The following SEC24D variants were observed in gnomAD, a reference collection of about 807,000 sequenced individuals.
SEC24D encodes SEC24 homolog D, COPII component.
SEC24D carries 69 observed loss-of-function variants against 116.9 expected under a neutral mutation model. The ratio of observed to expected loss-of-function variants is 0.59; its 90% CI spans 0.49 to 0.72. The LOEUF is 0.72. Among genes scored for constraint, SEC24D ranks in the 30% least tolerant of loss-of-function variants. SEC24D has a pLI of 0.00. For missense variants in SEC24D, 1,131 were observed against 1,264.1 expected (o/e 0.89, Z 1.60); for synonymous variants, 405 against 442.8 (o/e 0.91, Z 1.07).
At position 118,818,863 on chromosome 4, in the gene SEC24D, C is replaced by T. The variant is rs181436830; in HGVS notation, c.249-1451G>A. ...TGGCTAGAAATAATGGAATGAATAA[C>T]ATTGTAACCCAAAAATACTGTTAAA... On this transcript the variant is annotated intron_variant, in intron 3 of 22. Transcript: ENST00000280551. 2.6e-5 allele frequency among the ~76,000 whole-genome samples: 4 copies of T among 152,076 alleles called. No individual in the cohort carries two copies. In the East Asian group the frequency reaches 7.7e-4, roughly 29 times the overall value.
rs2110426864 is a variant in SEC24D, at chr4:118,728,570, A to C, written c.2949T>G (p.Tyr983Ter). Residue 983 changes from tyrosine to a stop codon, truncating the protein, a stop_gained, in exon 22 of 23, where the codon TAT becomes TAG. Coordinates refer to ENST00000280551, the MANE Select transcript of SEC24D (RefSeq NM_014822.4). LOFTEE classifies it high-confidence loss of function. ...AAAATTGCTTTCTTACCTTCATTGA[A>C]TATGGCCTCTTTTGTTGGATAATAC... ...IMGIIQQKRP[Y>*]SMKLTIVKQR... 6.3e-7 allele frequency: 1 copy of C among 1,596,398 alleles called. No homozygotes were observed. Among genetic ancestry groups the C allele is most frequent in the Middle Eastern group, 1.7e-4 (1 of 5,984 alleles).
chr4:118,734,275 G>A (rs1450499421), intron 19 of SEC24D, among the ~76,000 whole-genome samples: 2 of 151,502 alleles, frequency 1.3e-5, no homozygotes, highest in Admixed American at 6.6e-5. Context: ...GTGCAGCGGC[G>A]CAATCTCGGG....
At chr4:118,766,131 A>G (rs572660791) in intron 9 of SEC24D, among the ~76,000 whole-genome samples, 1 of 152,348 alleles carries the variant, frequency 6.6e-6, no homozygotes, top group South Asian at 2.1e-4. Context: ...TCACATCTAC[A>G]CACAGAAATG....
chr4:118,829,799 C>T (rs1294563522), intron 2 of SEC24D, among the ~76,000 whole-genome samples: 5 of 151,058 alleles, frequency 3.3e-5, no homozygotes, highest in African/African-American at 9.7e-5. Flanking sequence ...GTAATAAGAG[C>T]GAAACTCCGT....
chr4:118,797,983 T>C (rs2110506204), intron 7 of SEC24D, among the ~76,000 whole-genome samples, 173 bp from the exon 8 acceptor site: 1 of 152,348 alleles, frequency 6.6e-6, no homozygotes, highest in African/African-American at 2.4e-5. Context: ...CTACAATCTA[T>C]ATTCTAGGCA....
intron 22 of SEC24D, among the ~76,000 whole-genome samples, 164 bp downstream of exon 22, chr4:118,728,397 A>G (rs546299835): frequency 1.7e-4 from 26 of 152,272 alleles, no homozygotes; most frequent in Middle Eastern, 3.4e-3. Context: ...AGGTAGATAT[A>G]CTTAGAGGTT....
At chr4:118,793,016 A>G (rs983579549) in intron 8 of SEC24D, among the ~76,000 whole-genome samples, 5 of 152,242 alleles carry the variant, frequency 3.3e-5, no homozygotes, top group Non-Finnish European at 7.3e-5. Flanking sequence ...GGGATAGGGT[A>G]TCTAAGGGGA....
At chr4:118,731,276 T>C in intron 21 of SEC24D, 40 bp downstream of exon 21, 1 of 1,519,994 alleles carries the variant, frequency 6.6e-7, no homozygotes, top group South Asian at 1.1e-5. Context: ...CGAATTTATA[T>C]TTTTCATATT....
At chr4:118,752,139 T>C in intron 12 of SEC24D, 50 bp from the exon 13 acceptor site, 1 of 1,216,472 alleles carries the variant, frequency 8.2e-7, no homozygotes, top group Non-Finnish European at 1.2e-6. Context: ...CATATTTTAA[T>C]AAACTTCAAG....
chr4:118,792,264 G>A (rs549762689), intron 8 of SEC24D, among the ~76,000 whole-genome samples: 1 of 150,468 alleles, frequency 6.6e-6, no homozygotes, highest in Admixed American at 6.6e-5. Context: ...CGCCCCGTCC[G>A]GGAGGTGGGG....
At position 118,738,283 on chromosome 4, in the gene SEC24D, G is replaced by T; in HGVS notation, c.2474C>A (p.Ala825Glu). The T allele has an allele frequency of 6.2e-7, 1 of 1,612,812 alleles. No individual in the cohort carries two copies. The highest frequency in any genetic ancestry group is 8.5e-7 in the Non-Finnish European group (1 of 1,178,898). ...CACCTGGCTTGCTGCAGAAGGACTT[G>T]CACAATTCTTCCGGTAACATGCCAA... ...HMLACYRKNCASPSAASQLIL... is the reference protein window; with the variant it reads ...HMLACYRKNCESPSAASQLIL... Residue 825 changes from alanine (A) to glutamate (E), a missense_variant, in exon 19 of 23, where the codon GCA becomes GAA. Physicochemically the swap from Ala to Glu is moderately radical, Grantham distance 107 (BLOSUM62 -1). Coordinates refer to ENST00000280551, the MANE Select transcript of SEC24D (RefSeq NM_014822.4).
intron 7 of SEC24D, 111 bp from the exon 8 acceptor site, chr4:118,797,921 T>C (rs1233964028): frequency 1.3e-6 from 1 of 794,620 alleles, no homozygotes; most frequent in African/African-American, 1.7e-5. Context: ...TATTTCTTAT[T>C]TGTAAAACTC....
intron 2 of SEC24D, among the ~76,000 whole-genome samples, chr4:118,828,574 G>C (rs1039013154): frequency 6.6e-6 from 1 of 152,148 alleles, no homozygotes; most frequent in Non-Finnish European, 1.5e-5. Context: ...AGAGACCAAA[G>C]ATGCTACTAA....
chr4:118,739,127 C>T lies in SEC24D; in HGVS notation c.2377+22G>A. ...AATTACTAAGCAAGGTTTACTGAAC[C>T]TCAGGATTGGCAAAGTGTTACCTGA... On this transcript the variant is annotated intron_variant, in intron 18 of 22. Coordinates refer to ENST00000280551, the MANE Select transcript of SEC24D (RefSeq NM_014822.4). 1.9e-6 allele frequency: 3 copies of T among 1,611,964 alleles called. 1 individual carries two copies. The highest frequency in any genetic ancestry group is 3.3e-4 in the Middle Eastern group (2 of 6,038).
intron 13 of SEC24D, among the ~76,000 whole-genome samples, chr4:118,748,828 A>G (rs1362582181): frequency 6.6e-6 from 1 of 151,720 alleles, no homozygotes; most frequent in Admixed American, 6.6e-5. Context: ...TGTTTCTCCA[A>G]CCCCCATTGA....
intron 8 of SEC24D, among the ~76,000 whole-genome samples, chr4:118,793,965 C>T (rs569187126): frequency 2.6e-5 from 4 of 152,112 alleles, no homozygotes; most frequent in Non-Finnish European, 5.9e-5. Context: ...ACAAGTAGAG[C>T]GTCTCCCTAA....
At chr4:118,791,977 G>A (rs1728932581) in intron 8 of SEC24D, among the ~76,000 whole-genome samples, 1 of 151,762 alleles carries the variant, frequency 6.6e-6, no homozygotes, top group South Asian at 2.1e-4. Context: ...GTCTCTGCCT[G>A]GCCGCCCATT....
In SEC24D at chr4:118,785,622, G is replaced by A. The variant is rs188793815; in HGVS notation, c.1041+12061C>T. Among the ~76,000 whole-genome samples, 137 of 152,222 alleles carry A rather than the reference G, an allele frequency of 9.0e-4. 2 individuals carry two copies. The highest frequency in any genetic ancestry group is 1.8e-4 in the Non-Finnish European group (12 of 67,992). On this transcript the variant is annotated intron_variant, in intron 8 of 22. Transcript: ENST00000280551. ...ATGAAAAAATAAAGTCTATACAAAT[G>A]TTTATGTTATGGTGATGCTTATAAT...
At chr4:118,729,031 G>T (rs1725548488) in intron 21 of SEC24D, 1 of 155,856 alleles carries the variant, frequency 6.4e-6, no homozygotes, top group Admixed American at 7.0e-5. Flanking sequence ...ATGGATTTTG[G>T]GTTTTTTTTG....
Sources: gnomAD v4.1 joint callset for allele counts (sites outside exome capture counted in the v4.1 genomes callset) on GRCh38, gnomAD v4.1.1 for gene constraint, MANE v1.5 for transcripts, NCBI Gene and HGNC (gene_info 2026-07-23, HGNC 2026-07-21) for gene names.